The following ABCB11 variants were observed in gnomAD, a reference collection of about 807,000 sequenced individuals.
The protein encoded by ABCB11 is ATP binding cassette subfamily B member 11, also known as bile salt export pump.
Under a neutral mutation model 148.0 loss-of-function variants are expected in ABCB11, and 95 were observed. The ratio of observed to expected loss-of-function variants is 0.64; its 90% CI spans 0.54 to 0.76. The LOEUF is 0.76. Among genes scored for constraint, ABCB11 ranks in the 30% least tolerant of loss-of-function variants. The pLI, the probability that ABCB11 is intolerant of heterozygous loss-of-function variation, is 0.00. For synonymous variants in ABCB11, 591 were observed against 555.4 expected, an observed-to-expected ratio of 1.06 and a Z score of -0.90; for missense variants, 1,523 against 1,617.8, an observed-to-expected ratio of 0.94 and a Z score of 1.01.
At chr2:168,974,892 A>G in intron 12 of ABCB11, among the ~76,000 whole-genome samples, 1 of 150,488 alleles carries the variant, frequency 6.6e-6, no homozygotes, top group East Asian at 1.9e-4. Context: ...AATAGATAAT[A>G]AAAATATACT....
chr2:168,993,985 C>T, intron 7 of ABCB11, 103 bp from the exon 8 acceptor site: 1 of 1,002,586 alleles, frequency 1.0e-6, no homozygotes, highest in Non-Finnish European at 1.5e-6. Context: ...ATCTCTCTAT[C>T]CCTATCACCC....
chr2:169,025,068 A>C (rs1308077386), intron 1 of ABCB11, among the ~76,000 whole-genome samples: 1 of 152,212 alleles, frequency 6.6e-6, no homozygotes, highest in African/African-American at 2.4e-5. Flanking sequence ...AGAAAATAAT[A>C]AACAACATTT....
chr2:168,989,986 TA>T, intron 9 of ABCB11, among the ~76,000 whole-genome samples: 1 of 152,184 alleles, frequency 6.6e-6, no homozygotes, highest in Non-Finnish European at 1.5e-5. Context: ...ATGATTCTTT[TA>T]ATGTGCTATT....
At chr2:169,030,670 C>T (rs927587002) in intron 1 of ABCB11, among the ~76,000 whole-genome samples, 1 of 152,096 alleles carries the variant, frequency 6.6e-6, no homozygotes, top group Admixed American at 6.6e-5. Flanking sequence ...AAATTAGATC[C>T]TAGAAACAAA....
At chr2:169,023,959 CT>C (rs1558933713) in intron 1 of ABCB11, among the ~76,000 whole-genome samples, 1 of 151,944 alleles carries the variant, frequency 6.6e-6, no homozygotes, top group East Asian at 1.9e-4. Context: ...AAGTTTTTCT[CT>C]TTTTTTTCCT....
At chr2:168,924,356 C>A (rs1691210712) in intron 27 of ABCB11, among the ~76,000 whole-genome samples, 1 of 152,140 alleles carries the variant, frequency 6.6e-6, no homozygotes, top group South Asian at 2.1e-4. Context: ...TAAAATATAA[C>A]AGATAATCTA....
chr2:168,995,242 G>GA (rs1379945702), intron 7 of ABCB11, 107 bp downstream of exon 7: 1 of 1,294,894 alleles, frequency 7.7e-7, no homozygotes, highest in Non-Finnish European at 1.0e-6. Flanking sequence ...TTTAAGAGAT[G>GA]AAACATAGGA....
chr2:168,930,574 G>A, intron 25 of ABCB11, 91 bp downstream of exon 25: 2 of 1,103,022 alleles, frequency 1.8e-6, no homozygotes, highest in South Asian at 2.9e-5. Flanking sequence ...ATTTTAAAGT[G>A]AGTCTGGCAA....
chr2:168,986,363 G>T, intron 9 of ABCB11, 79 bp from the exon 10 acceptor site: 1 of 1,227,984 alleles, frequency 8.1e-7, no homozygotes, highest in Non-Finnish European at 1.2e-6. Flanking sequence ...GTGATGCAGT[G>T]GTTTTACAAA....
In ABCB11 at chr2:168,944,991, T is replaced by TTTG. The variant is rs201279156; in HGVS notation, c.2344-31_2344-30insCAA. ...GAAAGATAGTAAACAAGAAAGTAACTTTATTATAAATAGAAAAATAAATCT... is the reference window on the plus strand; with the variant it reads ...GAAAGATAGTAAACAAGAAAGTAACTTTGTTATTATAAATAGAAAAATAAATCT... On this transcript the variant is annotated intron_variant, in intron 19 of 27. Coordinates refer to ENST00000650372, the MANE Select transcript of ABCB11 (RefSeq NM_003742.4). 6,621 of 1,374,848 alleles carry TTTG rather than the reference T, an allele frequency of 4.8e-3. 254 individuals carry two copies. In the African/African-American group the frequency reaches 0.085, roughly 18 times the overall value. The allele number at this position is 1,374,848 out of a possible 1,614,324, so 85.2% of individuals were successfully genotyped here. A position where few individuals can be genotyped will look rare whatever the true frequency, so the allele number is the denominator to read the frequency against.
intron 9 of ABCB11, among the ~76,000 whole-genome samples, chr2:168,987,036 T>C (rs970317951): frequency 6.6e-6 from 1 of 152,162 alleles, no homozygotes; most frequent in African/African-American, 2.4e-5. Context: ...GTCTCTTTTA[T>C]TGACAATAAA....
intron 21 of ABCB11, among the ~76,000 whole-genome samples, chr2:168,943,434 G>A (rs1682865768): frequency 6.6e-6 from 1 of 152,018 alleles, no homozygotes. Context: ...AAAAACCTAG[G>A]GGAAAAACGT....
Position 168,986,251 on chromosome 2 carries a change from C to T in ABCB11, c.942G>A (p.Trp314Ter). The change falls in exon 10 of 28, where the codon TGG becomes TGA. Residue 314 changes from tryptophan (W) to a stop codon, truncating the protein, a stop_gained. Transcript: ENST00000650372. LOFTEE classifies it high-confidence loss of function. ...YEKNLVFAQR[W>*]GIRKGIVMGF... ...CCATCACTATTCCTTTTCTAATTCC[C>T]CAACGCTGGGCGAACACAAGATTTT... 1 of 1,613,022 alleles carries T rather than the reference C, an allele frequency of 6.2e-7. No individual in the cohort carries two copies. The highest frequency in any genetic ancestry group is 1.1e-5 in the South Asian group (1 of 91,042).
In ABCB11 at chr2:169,014,388, C is replaced by T. The variant is rs148955472; in HGVS notation, c.99-34G>A. On this transcript the variant is annotated intron_variant, in intron 3 of 27. Coordinates refer to ENST00000650372, the MANE Select transcript of ABCB11 (RefSeq NM_003742.4). ...AAAAACATAAGGATTTAAAGACCACCCTTTCCAATACAATGGGAAATTCTC... is the reference window on the plus strand; with the variant it reads ...AAAAACATAAGGATTTAAAGACCACTCTTTCCAATACAATGGGAAATTCTC... The T allele has an allele frequency of 1.9e-6, 3 of 1,589,850 alleles. No homozygotes were observed. In the East Asian group the frequency reaches 6.7e-5, roughly 36 times the overall value.
At chr2:169,018,028 G>A in intron 2 of ABCB11, 22 bp downstream of exon 2, 2 of 1,593,346 alleles carry the variant, frequency 1.3e-6, no homozygotes, top group African/African-American at 1.3e-5. Flanking sequence ...ACAAGATGCA[G>A]TGAGGGAAAA....
chr2:168,975,955 C>T lies in ABCB11; in HGVS notation c.1308+622G>A, dbSNP rs148197352. Among the ~76,000 whole-genome samples, 17 of 151,850 alleles carry T rather than the reference C, an allele frequency of 1.1e-4. No homozygotes were observed. In the East Asian group the frequency reaches 2.9e-3, roughly 26 times the overall value. On this transcript the variant is annotated intron_variant, in intron 12 of 27. Coordinates refer to ENST00000650372, the MANE Select transcript of ABCB11 (RefSeq NM_003742.4). Reference sequence around the variant, plus strand: ...TGAGGAATAAGTCTAATTTCAAAGCCAATTTATTCAGGGGTAGTAGATCCT... The same window carrying T: ...TGAGGAATAAGTCTAATTTCAAAGCTAATTTATTCAGGGGTAGTAGATCCT...
downstream of ABCB11, among the ~76,000 whole-genome samples, chr2:168,915,980 C>T (rs1460353205): frequency 6.6e-6 from 1 of 152,196 alleles, no homozygotes; most frequent in Non-Finnish European, 1.5e-5. Context: ...CTGCATCTCT[C>T]CCTGCAGCCT....
chr2:168,932,664 A>T (rs763666911), intron 23 of ABCB11, 131 bp from the exon 24 acceptor site: 33 of 1,119,292 alleles, frequency 2.9e-5, no homozygotes, highest in Non-Finnish European at 3.9e-5. Context: ...AAGTCACTTC[A>T]GACTTGTCTG....
At chr2:168,925,180 T>C (rs1574390745) in intron 26 of ABCB11, among the ~76,000 whole-genome samples, 1 of 152,208 alleles carries the variant, frequency 6.6e-6, no homozygotes, top group Non-Finnish European at 1.5e-5. Flanking sequence ...ATCCCAAGAA[T>C]GGAAATGTCT....
Sources: gnomAD v4.1 joint callset for allele counts (sites outside exome capture counted in the v4.1 genomes callset) on GRCh38, gnomAD v4.1.1 for gene constraint, MANE v1.5 for transcripts, NCBI Gene and HGNC (gene_info 2026-07-23, HGNC 2026-07-21) for gene names.